Variants in DAB1 observed in about 807,000 individuals in gnomAD.
DAB1 encodes the protein DAB adaptor protein 1.
A neutral mutation model predicts 64.6 loss-of-function variants in DAB1; 15 were observed. The ratio of observed to expected loss-of-function variants is 0.23; its 90% CI spans 0.16 to 0.36. The LOEUF (loss-of-function observed/expected upper bound fraction) is 0.36, where lower values mean the gene tolerates loss of function less well. DAB1 is among the 10% of genes least tolerant of loss of function. The pLI, the probability that DAB1 is intolerant of heterozygous loss-of-function variation, is 1.00. For missense variants in DAB1, 596 were observed against 706.7 expected, an observed-to-expected ratio of 0.84 and a Z score of 1.78; for synonymous variants, 235 against 251.9, an observed-to-expected ratio of 0.93 and a Z score of 0.64.
At chr1:58,292,673 G>A (rs996445523) in intron 4 of DAB1, among the ~76,000 whole-genome samples, 1 of 152,064 alleles carries the variant, frequency 6.6e-6, no homozygotes, top group Non-Finnish European at 1.5e-5. Context: ...CAAATAATAT[G>A]TGCTCTCTGC....
intron 7 of DAB1, among the ~76,000 whole-genome samples, chr1:57,639,885 G>A (rs781686252): frequency 6.6e-6 from 1 of 152,148 alleles, no homozygotes; most frequent in Non-Finnish European, 1.5e-5. Flanking sequence ...CATTAGATAG[G>A]CCATCTTTCT....
At chr1:58,377,068 T>C (rs1227183394) in intron 3 of DAB1, among the ~76,000 whole-genome samples, 1 of 129,744 alleles carries the variant, frequency 7.7e-6, no homozygotes, top group Non-Finnish European at 1.6e-5. Flanking sequence ...TGAGCCTATG[T>C]GTGTCTCTGC....
At chr1:57,180,677 C>A (rs544548168) in intron 2 of DAB1, among the ~76,000 whole-genome samples, 26 of 152,142 alleles carry the variant, frequency 1.7e-4, no homozygotes, top group East Asian at 5.8e-4. Flanking sequence ...GACTCCCCCC[C>A]ACAACAAACA....
intron 2 of DAB1, among the ~76,000 whole-genome samples, chr1:57,237,186 C>T (rs1263423538): frequency 6.6e-6 from 1 of 152,178 alleles, no homozygotes; most frequent in Non-Finnish European, 1.5e-5. Flanking sequence ...GAGGGCAGGA[C>T]TGTGACTTTT....
chr1:58,196,091 G>A (rs1268210510), intron 4 of DAB1, among the ~76,000 whole-genome samples: 1 of 152,192 alleles, frequency 6.6e-6, no homozygotes, highest in African/African-American at 2.4e-5. Flanking sequence ...GGGTCAGGGA[G>A]TATTGTAAAA....
intron 2 of DAB1, among the ~76,000 whole-genome samples, chr1:57,255,385 G>C (rs1290585675): frequency 6.6e-6 from 1 of 152,178 alleles, no homozygotes; most frequent in Non-Finnish European, 1.5e-5. Flanking sequence ...AAACAGGCCA[G>C]GTGAGGTGGC....
At chr1:57,491,772 G>A (rs1022166201) in intron 7 of DAB1, among the ~76,000 whole-genome samples, 5 of 152,166 alleles carry the variant, frequency 3.3e-5, no homozygotes, top group African/African-American at 1.2e-4. Context: ...GGTTTCCCAC[G>A]TAGCATCACA....
chr1:58,489,562 A>C (rs1200100701), intron 3 of DAB1, among the ~76,000 whole-genome samples: 2 of 152,186 alleles, frequency 1.3e-5, no homozygotes, highest in East Asian at 3.9e-4. Context: ...TGCAGACTTA[A>C]ATGTCCCTGT....
chr1:58,539,283 G>A (rs1441220377), intron 1 of DAB1: 3 of 831,422 alleles, frequency 3.6e-6, no homozygotes, highest in African/African-American at 1.7e-5. Flanking sequence ...GCAATCCACA[G>A]ATGAAGCTCA....
chr1:57,413,238 C>T (rs1467487176), intron 1 of DAB1, among the ~76,000 whole-genome samples: 2 of 152,110 alleles, frequency 1.3e-5, no homozygotes, highest in Admixed American at 1.3e-4. Flanking sequence ...ACCTGGTCAC[C>T]CAAGAGTTCT....
intron 3 of DAB1, among the ~76,000 whole-genome samples, chr1:58,478,400 T>G (rs1311181448): frequency 6.6e-6 from 1 of 152,226 alleles, no homozygotes; most frequent in East Asian, 1.9e-4. Flanking sequence ...AAGTATGCAT[T>G]CAGTATATGG....
chr1:58,387,168 C>A (rs781060362), intron 3 of DAB1, among the ~76,000 whole-genome samples: 60 of 152,320 alleles, frequency 3.9e-4, no homozygotes, highest in Middle Eastern at 3.4e-3. Flanking sequence ...TAAAGTCCAG[C>A]GCAAATTGGT....
intron 2 of DAB1, among the ~76,000 whole-genome samples, chr1:57,154,080 T>C (rs537093493): frequency 7.2e-5 from 11 of 152,322 alleles, no homozygotes; most frequent in East Asian, 5.8e-4. Flanking sequence ...CTTTCAGTTA[T>C]ATTAAAATGT....
intron 8 of DAB1, among the ~76,000 whole-genome samples, chr1:57,064,991 G>GTA (rs1159210149): frequency 3.3e-5 from 5 of 152,130 alleles, no homozygotes; most frequent in Non-Finnish European, 5.9e-5. Context: ...GAAAAATGAA[G>GTA]AACATTCTGT....
chr1:57,483,880 G>C lies in DAB1; in HGVS notation n.625+165712C>G, dbSNP rs552914374. On this transcript the variant is annotated intron_variant and non_coding_transcript_variant, in intron 7 of 20. Coordinates refer to the DAB1 transcript ENST00000485760. The stretch of plus-strand genomic sequence containing the variant: ...ACACTGGGATTGAACAGCAAAGACA[G>C]ATCATCATATCCCTGCCCTTATGCA... Among the ~76,000 whole-genome samples, 3 of 152,302 alleles carry C rather than the reference G, an allele frequency of 2.0e-5. No homozygotes were observed. In the South Asian group the frequency reaches 6.2e-4, roughly 32 times the overall value.
chr1:57,606,650 A>T (rs1372280129), intron 7 of DAB1, among the ~76,000 whole-genome samples: 1 of 110,348 alleles, frequency 9.1e-6, no homozygotes, highest in African/African-American at 3.8e-5. Flanking sequence ...TGAAATATAT[A>T]TTATGTATGA....
intron 5 of DAB1, among the ~76,000 whole-genome samples, chr1:58,015,033 T>A (rs1646719062): frequency 6.6e-6 from 1 of 152,186 alleles, no homozygotes; most frequent in South Asian, 2.1e-4. Context: ...TGCAGGCTCT[T>A]TTGTGAATCA....
At chr1:58,532,522 AT>A (rs1557456291) in intron 1 of DAB1, among the ~76,000 whole-genome samples, 1 of 151,932 alleles carries the variant, frequency 6.6e-6, no homozygotes, top group South Asian at 2.1e-4. Flanking sequence ...AGAAAAAAAG[AT>A]TTTTTTTCTT....
intron 5 of DAB1, among the ~76,000 whole-genome samples, chr1:57,931,757 G>A (rs1355661029): frequency 2.0e-5 from 3 of 152,044 alleles, no homozygotes; most frequent in Admixed American, 2.0e-4. Flanking sequence ...AGTTAGCCTG[G>A]TTACAGGCTT....
Sources: allele counts gnomAD v4.1 joint callset (sites outside exome capture counted in the v4.1 genomes callset), GRCh38; gene constraint gnomAD v4.1.1; transcripts MANE v1.5; gene names NCBI Gene and HGNC (gene_info 2026-07-23, HGNC 2026-07-21).